The following SOX6 variants were observed in gnomAD, a reference collection of about 807,000 sequenced individuals.
SOX6 encodes the protein transcription factor SOX-6.
SOX6 carries 11 observed loss-of-function variants against 97.8 expected under a neutral mutation model. The ratio of observed to expected loss-of-function variants is 0.11; its 90% CI spans 0.07 to 0.19. The LOEUF (loss-of-function observed/expected upper bound fraction) is 0.19, where lower values mean the gene tolerates loss of function less well. Among genes scored for constraint, SOX6 ranks in the 10% least tolerant of loss-of-function variants. SOX6 has a pLI of 1.00. For synonymous variants in SOX6, 360 were observed against 371.4 expected, an observed-to-expected ratio of 0.97 and a Z score of 0.35; for missense variants, 810 against 1,039.5, an observed-to-expected ratio of 0.78 and a Z score of 3.04.
chr11:16,513,077 C>CCTTCTAG (rs1860904817), intron 4 of SOX6, among the ~76,000 whole-genome samples: 5 of 152,188 alleles, frequency 3.3e-5, no homozygotes, highest in Admixed American at 3.3e-4. Flanking sequence ...GAAAAACTCA[C>CCTTCTAG]TTTCTAGTTT....
chr11:16,103,790 C>T (rs1037277030), intron 7 of SOX6, among the ~76,000 whole-genome samples: 2 of 151,352 alleles, frequency 1.3e-5, no homozygotes, highest in African/African-American at 2.4e-5. Context: ...AACCAAGCAT[C>T]GTATTCTCAC....
At chr11:15,979,224 G>GT (rs774006399) in intron 15 of SOX6, among the ~76,000 whole-genome samples, 1 of 151,274 alleles carries the variant, frequency 6.6e-6, no homozygotes, top group Non-Finnish European at 1.5e-5. Flanking sequence ...CCAATCTATG[G>GT]TAACTGTATT....
intron 4 of SOX6, among the ~76,000 whole-genome samples, chr11:16,220,903 A>G (rs892765330): frequency 2.0e-5 from 3 of 152,044 alleles, no homozygotes; most frequent in Admixed American, 2.0e-4. Context: ...ACAGGCGCAG[A>G]TCCAGGGGAA....
chr11:16,079,107 GAGA>G (rs2133952344), intron 9 of SOX6, among the ~76,000 whole-genome samples: 1 of 152,242 alleles, frequency 6.6e-6, no homozygotes, highest in African/African-American at 2.4e-5. Context: ...TAAGAATCTG[GAGA>G]TATGCCAGGG....
intron 13 of SOX6, among the ~76,000 whole-genome samples, chr11:16,012,268 C>T (rs79289018): frequency 1.8e-4 from 27 of 152,154 alleles, no homozygotes; most frequent in African/African-American, 6.5e-4. Flanking sequence ...AAGTGTAACT[C>T]CAGCAGACTT....
chr11:16,391,105 C>G (rs1249799533), intron 1 of SOX6, among the ~76,000 whole-genome samples: 4 of 152,188 alleles, frequency 2.6e-5, no homozygotes, highest in Non-Finnish European at 5.9e-5. Flanking sequence ...GAAAACTAAA[C>G]ACCACATGTT....
At chr11:16,314,365 C>T (rs2134294843) in intron 3 of SOX6, 1 of 152,246 alleles carries the variant, frequency 6.6e-6, no homozygotes, top group South Asian at 2.1e-4. Flanking sequence ...CCTACAGAAC[C>T]TTCCAATGGC....
intron 1 of SOX6, among the ~76,000 whole-genome samples, chr11:16,403,498 T>A (rs1228882184): frequency 6.6e-6 from 1 of 151,760 alleles, no homozygotes; most frequent in Admixed American, 6.6e-5. Context: ...AAGTCCTATT[T>A]ATTGAAATCC....
intron 1 of SOX6, among the ~76,000 whole-genome samples, chr11:16,453,000 T>C (rs10832608): frequency 0.35 from 52,493 of 152,026 alleles, 9,437 homozygotes; most frequent in East Asian, 0.54. Context: ...TAAATTTGTT[T>C]CCACTGAGAT....
At chr11:16,687,034 A>AG (rs1486282348) in intron 3 of SOX6, among the ~76,000 whole-genome samples, 3 of 152,240 alleles carry the variant, frequency 2.0e-5, no homozygotes, top group African/African-American at 7.2e-5. Context: ...CTGAGGCACA[A>AG]GAATCACTTG....
At chr11:16,398,602 T>A (rs1253688427) in intron 1 of SOX6, among the ~76,000 whole-genome samples, 6 of 151,504 alleles carry the variant, frequency 4.0e-5, no homozygotes, top group Non-Finnish European at 8.9e-5. Flanking sequence ...CTCCACTTGT[T>A]GTCTATGGGT....
At chr11:16,421,715 G>T (rs972266629) in intron 1 of SOX6, among the ~76,000 whole-genome samples, 3 of 152,178 alleles carry the variant, frequency 2.0e-5, no homozygotes, top group Admixed American at 2.0e-4. Context: ...TTCAGAGATT[G>T]AGTTTAAAGA....
At chr11:16,731,843 A>C (rs904574752) in intron 2 of SOX6, among the ~76,000 whole-genome samples, 1 of 152,160 alleles carries the variant, frequency 6.6e-6, no homozygotes, top group African/African-American at 2.4e-5. Context: ...TTTTGAAAAC[A>C]CCAACATCTC....
intron 2 of SOX6, among the ~76,000 whole-genome samples, chr11:16,320,819 A>T (rs981045983): frequency 1.3e-5 from 2 of 152,088 alleles, no homozygotes; most frequent in Admixed American, 6.6e-5. Flanking sequence ...ATAAATCTTA[A>T]TTTTTTCTGC....
chr11:16,421,493 G>A (rs1009382359), intron 1 of SOX6, among the ~76,000 whole-genome samples: 1 of 152,088 alleles, frequency 6.6e-6, no homozygotes, highest in African/African-American at 2.4e-5. Context: ...TTATTGTCGT[G>A]TGAACAAAGC....
At chr11:15,981,866 T>C (rs1384237536) in intron 15 of SOX6, among the ~76,000 whole-genome samples, 1 of 152,110 alleles carries the variant, frequency 6.6e-6, no homozygotes, top group Non-Finnish European at 1.5e-5. Flanking sequence ...TTAAAGCTTT[T>C]CATATGCCAG....
At chr11:16,160,335 GA>G (rs1850716428) in intron 6 of SOX6, among the ~76,000 whole-genome samples, 1 of 152,144 alleles carries the variant, frequency 6.6e-6, no homozygotes, top group Non-Finnish European at 1.5e-5. Context: ...GCCTGGGAAG[GA>G]TATGACCTGG....
In SOX6 at chr11:16,079,051, A is replaced by G. The variant is rs549265698; in HGVS notation, c.1101+16945T>C. ...AGTTTCTGAGTTTCTACGAAACACCATTAAAACAACATGGCAGACCTGGAA... is the reference window on the plus strand; with the variant it reads ...AGTTTCTGAGTTTCTACGAAACACCGTTAAAACAACATGGCAGACCTGGAA... On this transcript the variant is annotated intron_variant, in intron 9 of 15. Transcript: ENST00000683767. Among the ~76,000 whole-genome samples, 366 of 152,304 alleles carry G rather than the reference A, an allele frequency of 2.4e-3. 1 individual carries two copies. Among genetic ancestry groups the G allele is most frequent in the African/African-American group, 7.8e-3 (326 of 41,548 alleles).
intron 3 of SOX6, among the ~76,000 whole-genome samples, chr11:16,275,545 G>T (rs183341707): frequency 5.6e-4 from 85 of 152,244 alleles, no homozygotes; most frequent in East Asian, 5.2e-3. Flanking sequence ...ATCTTATTGT[G>T]AATTATTTTA....
Sources: gnomAD v4.1 joint callset for allele counts (sites outside exome capture counted in the v4.1 genomes callset) on GRCh38, gnomAD v4.1.1 for gene constraint, MANE v1.5 for transcripts, NCBI Gene and HGNC (gene_info 2026-07-23, HGNC 2026-07-21) for gene names.